MGRN1: variants seen among roughly 807,000 people sequenced by gnomAD.
The protein encoded by MGRN1 is mahogunin ring finger 1.
A neutral mutation model predicts 69.2 loss-of-function variants in MGRN1; 29 were observed. The ratio of observed to expected loss-of-function variants is 0.42; its 90% CI spans 0.31 to 0.57. The LOEUF is 0.57. MGRN1 is among the 20% of genes least tolerant of loss of function. The probability of loss-of-function intolerance (pLI) is 0.15; values close to 1 mark genes in which losing one functional copy is unlikely to be tolerated. For synonymous variants in MGRN1, 470 were observed against 344.2 expected (o/e 1.37, Z -4.04); for missense variants, 998 against 796.2 (o/e 1.25, Z -3.05).
intron 1 of MGRN1, among the ~76,000 whole-genome samples, chr16:4,627,700 G>A (rs1456467338): frequency 6.6e-6 from 1 of 151,780 alleles, no homozygotes; most frequent in Non-Finnish European, 1.5e-5. Context: ...GAGGCAGGCT[G>A]AATTGCTTGA....
chr16:4,628,441 T>C (rs1012884741), intron 1 of MGRN1, among the ~76,000 whole-genome samples: 2 of 150,966 alleles, frequency 1.3e-5, no homozygotes, highest in South Asian at 2.1e-4. Flanking sequence ...AAAAAAAGAA[T>C]TGTGCAGTCA....
At chr16:4,668,633 C>T (rs1057409563) in intron 8 of MGRN1, among the ~76,000 whole-genome samples, 6 of 151,860 alleles carry the variant, frequency 4.0e-5, no homozygotes, top group Non-Finnish European at 8.8e-5. Flanking sequence ...CATTCAGATG[C>T]ACACACTCAG....
At chr16:4,677,008 C>G (rs569963614) in intron 10 of MGRN1, 1 of 154,814 alleles carries the variant, frequency 6.5e-6, no homozygotes, top group Non-Finnish European at 1.4e-5. Context: ...CTCCTCTGGG[C>G]TCAGCCAGGA....
chr16:4,686,566 C>T, intron 16 of MGRN1: 1 of 1,326,432 alleles, frequency 7.5e-7, no homozygotes, highest in Non-Finnish European at 9.6e-7. Flanking sequence ...GCTCTTCTTC[C>T]AGCCTTGAGG....
At position 4,690,320 on chromosome 16, in the gene MGRN1, A is replaced by C. The variant is rs1361023819; in HGVS notation, c.*1412A>C. 6.6e-6 allele frequency: 1 copy of C among 152,072 alleles called. No individual in the cohort carries two copies. The highest frequency in any genetic ancestry group is 1.5e-5 in the Non-Finnish European group (1 of 68,038). 9.4% of individuals were successfully genotyped at this position (152,072 alleles called of 1,614,324 possible). A position where few individuals can be genotyped will look rare whatever the true frequency, so the allele number is the denominator to read the frequency against. ...ATCCACCCCTGCGGAGCCCTGGGCC[A>C]GGCAGGTGTCTGCTGCTCACCTGGC... On this transcript the variant is annotated 3_prime_UTR_variant, in exon 17 of 17. Transcript: ENST00000262370.
chr16:4,658,920 C>G (rs543444275), intron 5 of MGRN1: 9 of 152,242 alleles, frequency 5.9e-5, no homozygotes, highest in African/African-American at 1.7e-4. Context: ...TCGCCTGAGC[C>G]TGGGAGATGG....
rs1439724754 is a variant in MGRN1, at chr16:4,689,195, G to A, written c.*287G>A. On this transcript the variant is annotated 3_prime_UTR_variant, in exon 17 of 17. Transcript: ENST00000262370. ...GGGTCCTGTGGGCTGAGCGGCTGGG[G>A]CTGGGGCTGCCCACGTGTGGCCTCC... 3 of 375,068 alleles carry A rather than the reference G, an allele frequency of 8.0e-6. No individual in the cohort carries two copies. Among genetic ancestry groups the A allele is most frequent in the Non-Finnish European group, 1.4e-5 (3 of 211,038 alleles). 23.2% of individuals were successfully genotyped at this position (375,068 alleles called of 1,614,324 possible). A position where few individuals can be genotyped will look rare whatever the true frequency, so the allele number is the denominator to read the frequency against.
chr16:4,687,603 A>ACAC, intron 16 of MGRN1: 2 of 984,942 alleles, frequency 2.0e-6, no homozygotes, highest in Non-Finnish European at 2.4e-6. Flanking sequence ...ACACACACAC[A>ACAC]CACACGGGGG....
At chr16:4,652,972 C>G in intron 4 of MGRN1, 148 bp downstream of exon 4, 1 of 1,136,238 alleles carries the variant, frequency 8.8e-7, no homozygotes, top group Non-Finnish European at 1.2e-6. Context: ...TGAGGGGTTT[C>G]TCCCACCCCA....
intron 16 of MGRN1, among the ~76,000 whole-genome samples, chr16:4,685,885 A>G (rs920613627): frequency 2.0e-5 from 3 of 152,130 alleles, no homozygotes; most frequent in African/African-American, 7.2e-5. Context: ...GAGATGGTGA[A>G]CACTGGGGGC....
intron 7 of MGRN1, among the ~76,000 whole-genome samples, chr16:4,665,902 T>G (rs1490456590): frequency 1.3e-5 from 2 of 151,728 alleles, no homozygotes; most frequent in African/African-American, 4.8e-5. Flanking sequence ...TGATCTTGTC[T>G]CACTGCAGCC....
intron 5 of MGRN1, among the ~76,000 whole-genome samples, chr16:4,659,631 C>T (rs141067719): frequency 1.3e-5 from 2 of 152,398 alleles, no homozygotes; most frequent in African/African-American, 4.8e-5. Flanking sequence ...GGCCCGCGTG[C>T]AGCATAGTGC....
intron 1 of MGRN1, among the ~76,000 whole-genome samples, chr16:4,627,154 C>T (rs1362149617): frequency 1.3e-5 from 2 of 152,200 alleles, no homozygotes; most frequent in East Asian, 1.9e-4. Flanking sequence ...GACCGGGGAC[C>T]GTGGAGACAT....
intron 5 of MGRN1, among the ~76,000 whole-genome samples, chr16:4,662,268 A>T (rs2078700107): frequency 6.6e-6 from 1 of 152,148 alleles, no homozygotes; most frequent in African/African-American, 2.4e-5. Context: ...TAATCCCAGC[A>T]TTTTTGGAGG....
intron 5 of MGRN1, among the ~76,000 whole-genome samples, chr16:4,662,306 G>A (rs572493161): frequency 6.6e-6 from 1 of 152,238 alleles, no homozygotes; most frequent in East Asian, 1.9e-4. Flanking sequence ...CTGGCGGTCA[G>A]GAGTTCGAGA....
At position 4,683,217 on chromosome 16, in the gene MGRN1, T is replaced by C; in HGVS notation, c.1483-7T>C. ...AGCTCTAGGCTACTTTCCCCTTTGTTTCCTAGAGTTTCATAACAGAAGAGG... is the reference window on the plus strand; with the variant it reads ...AGCTCTAGGCTACTTTCCCCTTTGTCTCCTAGAGTTTCATAACAGAAGAGG... On this transcript the variant is annotated splice_polypyrimidine_tract_variant and splice_region_variant and intron_variant, in intron 14 of 16. Coordinates refer to ENST00000262370, the MANE Select transcript of MGRN1 (RefSeq NM_015246.4). The C allele has an allele frequency of 6.2e-7, 1 of 1,613,630 alleles. No individual in the cohort carries two copies. The highest frequency in any genetic ancestry group is 8.5e-7 in the Non-Finnish European group (1 of 1,179,940).
At chr16:4,682,789 T>G in intron 13 of MGRN1, 34 bp from the exon 14 acceptor site, 1 of 1,504,212 alleles carries the variant, frequency 6.6e-7, no homozygotes, top group South Asian at 1.3e-5. Context: ...GTCGTTATCC[T>G]CTCACCCCTG....
intron 1 of MGRN1, among the ~76,000 whole-genome samples, chr16:4,645,444 G>A (rs2078254411): frequency 1.3e-5 from 2 of 152,152 alleles, no homozygotes; most frequent in African/African-American, 4.8e-5. Context: ...GCCCAGGCAT[G>A]AACCACTGGC....
In MGRN1 at chr16:4,688,568, G is replaced by A. The variant is rs917770634; in HGVS notation, c.1619-228G>A. The A allele has an allele frequency of 6.3e-5, 81 of 1,285,088 alleles. No homozygotes were observed. The Admixed American group carries it at 1.3e-3, about 21-fold the overall frequency. The allele number at this position is 1,285,088 out of a possible 1,614,324, so 79.6% of individuals were successfully genotyped here. A position where few individuals can be genotyped will look rare whatever the true frequency, so the allele number is the denominator to read the frequency against. ...GGCTGCAGATCTGCTGTGGGTGTCC[G>A]GGGATCTGGGATCGTCTGTCCCAAG... On this transcript the variant is annotated intron_variant, in intron 16 of 16. Coordinates refer to ENST00000262370, the MANE Select transcript of MGRN1 (RefSeq NM_015246.4).
Sources: allele counts gnomAD v4.1 joint callset (sites outside exome capture counted in the v4.1 genomes callset), GRCh38; gene constraint gnomAD v4.1.1; transcripts MANE v1.5; gene names NCBI Gene and HGNC (gene_info 2026-07-23, HGNC 2026-07-21).